BCL2L14: variants seen among roughly 807,000 people sequenced by gnomAD.
BCL2L14 encodes apoptosis facilitator Bcl-2-like protein 14.
Under a neutral mutation model 35.3 loss-of-function variants are expected in BCL2L14, and 27 were observed. The observed-to-expected ratio is 0.76, with a 90% CI of 0.56 to 1.05. BCL2L14 has a LOEUF of 1.05. BCL2L14 is among the 50% of genes least tolerant of loss of function. The pLI is 0.00. For missense variants in BCL2L14, 377 were observed against 382.6 expected, an observed-to-expected ratio of 0.99 and a Z score of 0.12; for synonymous variants, 139 against 145.9, an observed-to-expected ratio of 0.95 and a Z score of 0.34.
At chr12:12,073,100 C>A (rs1389893995) in intron 1 of BCL2L14, among the ~76,000 whole-genome samples, 1 of 152,166 alleles carries the variant, frequency 6.6e-6, no homozygotes, top group Non-Finnish European at 1.5e-5. Context: ...GTCTTGAACT[C>A]CTGGGCTTAA....
chr12:12,085,015 T>C (rs971948976), intron 2 of BCL2L14, among the ~76,000 whole-genome samples: 48 of 131,920 alleles, frequency 3.6e-4, no homozygotes, highest in African/African-American at 1.3e-3. Flanking sequence ...ACCCAGAAGG[T>C]GGAGGTTGCA....
rs188689996 is a variant in BCL2L14 at position 12,088,330 on chromosome 12, C to T, written c.607+944C>T. The stretch of plus-strand genomic sequence containing the variant: ...CAAAGATCAGTTGAACCAGGTGTGA[C>T]GTTTACATAGCATGGGGGAAGCTGG... On this transcript the variant is annotated intron_variant, in intron 3 of 5. Transcript: ENST00000308721. 5.2e-3 allele frequency among the ~76,000 whole-genome samples: 792 copies of T among 152,238 alleles called. 4 individuals carry two copies. The highest frequency in any genetic ancestry group is 7.4e-3 in the Non-Finnish European group (500 of 68,018).
intron 1 of BCL2L14, chr12:12,051,761 GA>G (rs2136704063): frequency 6.6e-6 from 1 of 152,296 alleles, no homozygotes; most frequent in East Asian, 1.9e-4. Context: ...TGCCAAGTGG[GA>G]CCCTAAAGCG....
intron 2 of BCL2L14, among the ~76,000 whole-genome samples, chr12:12,062,937 C>T (rs903793315): frequency 6.6e-5 from 10 of 152,342 alleles, no homozygotes; most frequent in African/African-American, 2.2e-4. Context: ...CAAGCTCAGC[C>T]ACCAACTTAA....
intron 3 of BCL2L14, among the ~76,000 whole-genome samples, chr12:12,089,434 G>A (rs766785348): frequency 1.8e-4 from 27 of 150,964 alleles, no homozygotes; most frequent in Middle Eastern, 3.5e-3. Context: ...GGTGGCTTAC[G>A]TCTGTAATCC....
chr12:12,065,521 G>A (rs574754994), intron 2 of BCL2L14, among the ~76,000 whole-genome samples: 10 of 122,908 alleles, frequency 8.1e-5, no homozygotes, highest in Admixed American at 1.8e-4. Flanking sequence ...GGGCGACAGA[G>A]TGAGACTCCA....
intron 2 of BCL2L14, among the ~76,000 whole-genome samples, chr12:12,064,757 C>T (rs1337216146): frequency 2.6e-5 from 4 of 152,200 alleles, no homozygotes; most frequent in African/African-American, 9.7e-5. Context: ...ACCGTGGCTT[C>T]CTTTGACTTA....
At chr12:12,078,961 TA>T in intron 1 of BCL2L14, among the ~76,000 whole-genome samples, 1 of 152,144 alleles carries the variant, frequency 6.6e-6, no homozygotes, top group Non-Finnish European at 1.5e-5. Context: ...CATGCCTGGC[TA>T]ATTTTTGTAT....
chr12:12,064,303 ATTTTTTTTTTC>A (rs1948568076), intron 2 of BCL2L14, among the ~76,000 whole-genome samples: 1 of 138,082 alleles, frequency 7.2e-6, no homozygotes, highest in African/African-American at 2.6e-5. Context: ...AATTTTTTTG[ATTTTTTTTTTC>A]TTTTTTTGTA....
intron 5 of BCL2L14, chr12:12,096,334 A>T: frequency 4.2e-6 from 1 of 237,852 alleles, no homozygotes; most frequent in Non-Finnish European, 6.8e-6. Flanking sequence ...TATGCTATTA[A>T]AAAGCAGTGG....
intron 2 of BCL2L14, among the ~76,000 whole-genome samples, chr12:12,063,484 A>C (rs1273393410): frequency 2.0e-5 from 3 of 149,230 alleles, no homozygotes; most frequent in East Asian, 4.0e-4. Context: ...ACAGCCCCAC[A>C]ATATCACCCC....
chr12:12,081,876 G>C (rs906206493), intron 2 of BCL2L14, among the ~76,000 whole-genome samples: 1 of 152,104 alleles, frequency 6.6e-6, no homozygotes, highest in Non-Finnish European at 1.5e-5. Context: ...GATTTTAAAA[G>C]AAAGGCCCCC....
chr12:12,054,453 G>A (rs1026017951), intron 2 of BCL2L14, among the ~76,000 whole-genome samples: 7 of 150,576 alleles, frequency 4.6e-5, no homozygotes, highest in African/African-American at 1.7e-4. Flanking sequence ...GCAGTGAGCC[G>A]AGATCATGCC....
intron 1 of BCL2L14, among the ~76,000 whole-genome samples, chr12:12,050,216 T>C (rs79941823): frequency 0.011 from 1,684 of 149,592 alleles, 39 homozygotes; most frequent in African/African-American, 0.039. Flanking sequence ...GGAGGTGGGG[T>C]TCAATAGGAG....
At chr12:12,091,076 T>C (rs1442112847) in intron 4 of BCL2L14, among the ~76,000 whole-genome samples, 1 of 152,222 alleles carries the variant, frequency 6.6e-6, no homozygotes, top group African/African-American at 2.4e-5. Flanking sequence ...CTTGGAATTT[T>C]TGGAAACTAA....
intron 3 of BCL2L14, among the ~76,000 whole-genome samples, chr12:12,089,146 C>G (rs771994487): frequency 6.6e-6 from 1 of 152,130 alleles, no homozygotes; most frequent in Non-Finnish European, 1.5e-5. Context: ...GCAGGTGGAT[C>G]GCCTGAGGTC....
intron 2 of BCL2L14, among the ~76,000 whole-genome samples, chr12:12,085,670 C>T (rs1452276100): frequency 6.6e-6 from 1 of 152,188 alleles, no homozygotes; most frequent in Non-Finnish European, 1.5e-5. Flanking sequence ...CTTCTGTGGC[C>T]TTTCCGTGAA....
intron 2 of BCL2L14, among the ~76,000 whole-genome samples, chr12:12,086,908 C>G (rs929156887): frequency 6.6e-6 from 1 of 152,324 alleles, no homozygotes; most frequent in East Asian, 1.9e-4. Flanking sequence ...GCTAAGCACT[C>G]CTTTTTGTGT....
chr12:12,095,645 C>T (rs1403387503), intron 5 of BCL2L14: 1 of 985,256 alleles, frequency 1.0e-6, no homozygotes, highest in Non-Finnish European at 1.2e-6. Context: ...GGCGGACAGA[C>T]CTTCATCCCA....
Sources: gnomAD v4.1 joint callset for allele counts (sites outside exome capture counted in the v4.1 genomes callset) on GRCh38, gnomAD v4.1.1 for gene constraint, MANE v1.5 for transcripts, NCBI Gene and HGNC (gene_info 2026-07-23, HGNC 2026-07-21) for gene names.